ATM: variants seen among roughly 807,000 people sequenced by gnomAD.
The protein encoded by ATM is ATM serine/threonine kinase.
A neutral mutation model predicts 387.0 loss-of-function variants in ATM; 308 were observed. That is an observed-to-expected ratio of 0.80 (90% confidence interval 0.73 to 0.87). The LOEUF is 0.87. Among genes scored for constraint, ATM ranks in the 40% least tolerant of loss-of-function variants. ATM has a pLI of 0.00. For synonymous variants in ATM, 1,156 were observed against 1,187.3 expected (o/e 0.97, Z 0.54); for missense variants, 3,312 against 3,560.9 (o/e 0.93, Z 1.78).
intron 61 of ATM, among the ~76,000 whole-genome samples, chr11:108,361,475 A>G (rs2090745600): frequency 6.6e-6 from 1 of 152,014 alleles, no homozygotes; most frequent in South Asian, 2.1e-4. Context: ...ACCAAAAAAG[A>G]GCCCGCATCG....
intron 38 of ATM, 155 bp downstream of exon 38, chr11:108,308,139 C>A: frequency 2.7e-6 from 2 of 744,846 alleles, no homozygotes; most frequent in Non-Finnish European, 2.3e-6. Flanking sequence ...AATCCATATT[C>A]AGGATAGCAG....
chr11:108,236,618 G>A (rs1336351268), intron 5 of ATM: 2 of 151,874 alleles, frequency 1.3e-5, no homozygotes, highest in Non-Finnish European at 2.9e-5. Flanking sequence ...GAAAGGATAA[G>A]ACACAAAAGT....
intron 5 of ATM, among the ~76,000 whole-genome samples, chr11:108,241,417 T>C (rs1325831597): frequency 6.6e-6 from 1 of 152,260 alleles, no homozygotes; most frequent in East Asian, 1.9e-4. Context: ...GTACTATACA[T>C]GATTGTATGT....
intron 59 of ATM, 72 bp downstream of exon 59, chr11:108,347,437 C>A: frequency 1.7e-6 from 2 of 1,200,678 alleles, no homozygotes; most frequent in Non-Finnish European, 1.2e-6. Context: ...GTTTGCCTAC[C>A]AAGATATTAC....
Position 108,267,272 on chromosome 11 carries a change from T to C in ATM, c.2568T>C (p.Asn856=). ...AGGTGGAGGATCAGTCATCCATGAATCTATTTAACGATTACCCTGATAGTA... is the reference window on the plus strand; with the variant it reads ...AGGTGGAGGATCAGTCATCCATGAACCTATTTAACGATTACCCTGATAGTA... The part of the protein sequence containing the change: ...LMEVEDQSSM[N]LFNDYPDSSV... Residue 856 remains asparagine (N), a synonymous_variant, in exon 17 of 63, where the codon AAT becomes AAC. Coordinates refer to ENST00000675843, the MANE Select transcript of ATM (RefSeq NM_000051.4). 6.2e-7 allele frequency: 1 copy of C among 1,614,144 alleles called. No individual in the cohort carries two copies.
At chr11:108,352,746 T>C (rs773158694) in intron 59 of ATM, among the ~76,000 whole-genome samples, 16 of 152,212 alleles carry the variant, frequency 1.1e-4, no homozygotes, top group Non-Finnish European at 1.8e-4. Context: ...AACAGAACTA[T>C]TGATATACAT....
chr11:108,357,739 C>A (rs1322658759), intron 61 of ATM, among the ~76,000 whole-genome samples: 21 of 152,172 alleles, frequency 1.4e-4, no homozygotes, highest in Admixed American at 1.4e-3. Context: ...AGGGTCTTGT[C>A]TGTTAGAAGG....
chr11:108,326,107 G>A lies in ATM; in HGVS notation c.6857G>A (p.Cys2286Tyr), dbSNP rs786203052. 1.9e-6 allele frequency: 3 copies of A among 1,614,150 alleles called. No homozygotes were observed. Among genetic ancestry groups the A allele is most frequent in the Non-Finnish European group, 2.5e-6 (3 of 1,180,004 alleles). Residue 2286 changes from cysteine (C) to tyrosine (Y), a missense_variant, in exon 47 of 63, where the codon TGT (cysteine) becomes TAT (tyrosine). Transcript: ENST00000675843. ...ATTAAACAGTACAATTCAGTTAGCTGTGGAGTCTCTGAGTGGCAGCTGGAA... is the reference window on the plus strand; with the variant it reads ...ATTAAACAGTACAATTCAGTTAGCTATGGAGTCTCTGAGTGGCAGCTGGAA... ...FQIKQYNSVS[C>Y]GVSEWQLEEA... is the part of the protein sequence containing the mutation.
intron 31 of ATM, 104 bp downstream of exon 31, chr11:108,293,581 T>C: frequency 9.2e-7 from 1 of 1,092,150 alleles, no homozygotes. Flanking sequence ...TTTTCTTTAA[T>C]TGTGATTAAA....
intron 13 of ATM, among the ~76,000 whole-genome samples, chr11:108,255,088 T>A (rs1348627076): frequency 3.3e-5 from 5 of 152,196 alleles, no homozygotes; most frequent in African/African-American, 1.2e-4. Flanking sequence ...AAACATAAAC[T>A]CTTAAAAGGG....
intron 35 of ATM, among the ~76,000 whole-genome samples, chr11:108,302,226 G>A (rs570675581): frequency 3.9e-5 from 6 of 152,108 alleles, no homozygotes; most frequent in South Asian, 4.2e-4. Context: ...TGTTGATATC[G>A]TAATAAGGTT....
chr11:108,346,350 A>G (rs545263291), intron 58 of ATM, among the ~76,000 whole-genome samples: 21 of 152,158 alleles, frequency 1.4e-4, no homozygotes, highest in African/African-American at 4.3e-4. Context: ...TTCAGAATAG[A>G]AACCATGAGA....
chr11:108,279,175 G>A (rs1159060868), intron 22 of ATM, among the ~76,000 whole-genome samples: 1 of 152,116 alleles, frequency 6.6e-6, no homozygotes, highest in Non-Finnish European at 1.5e-5. Context: ...ATTGGTGTTC[G>A]GCCAGAGAAC....
At chr11:108,340,448 C>G (rs2087411908) in intron 56 of ATM, 1 of 152,162 alleles carries the variant, frequency 6.6e-6, no homozygotes, top group Non-Finnish European at 1.5e-5. Flanking sequence ...TCCTAAATGT[C>G]ACCAAGTAAT....
At chr11:108,256,925 C>T (rs1044410630) in intron 14 of ATM, among the ~76,000 whole-genome samples, 28 of 152,126 alleles carry the variant, frequency 1.8e-4, no homozygotes, top group African/African-American at 6.8e-4. Flanking sequence ...CATTGATGGG[C>T]ATTTGGGTTG....
intron 4 of ATM, among the ~76,000 whole-genome samples, chr11:108,234,683 T>A (rs1269624214): frequency 1.3e-5 from 2 of 151,342 alleles, no homozygotes; most frequent in Admixed American, 1.3e-4. Flanking sequence ...TATGAAAAAT[T>A]TAAAAAATTA....
intron 51 of ATM, 22 bp downstream of exon 51, chr11:108,331,579 A>G (rs1309995213): frequency 1.9e-6 from 3 of 1,589,114 alleles, no homozygotes; most frequent in Admixed American, 1.7e-5. Context: ...TGAAAATCAA[A>G]CCACAATAAT....
intron 39 of ATM, among the ~76,000 whole-genome samples, chr11:108,310,677 T>G (rs937901851): frequency 2.0e-5 from 3 of 152,178 alleles, no homozygotes; most frequent in African/African-American, 7.2e-5. Flanking sequence ...TCAGTCAGAT[T>G]AGATTTACCA....
rs1555083259 is a variant in ATM, at chr11:108,268,497, C to T, written c.2726C>T (p.Thr909Ile). Residue 909 changes from threonine to isoleucine, a missense_variant, in exon 18 of 63, where the codon ACT (threonine) becomes ATT (isoleucine). By Grantham distance (89) the Thr-to-Ile change is moderately conservative. Around this residue, in one of 4 missense-constraint regions of ATM, gnomAD observed 1,791 missense variants for 1,804.5 expected, o/e 0.99. Coordinates refer to ENST00000675843, the MANE Select transcript of ATM (RefSeq NM_000051.4). ...CTCAAGTTCTTGTGTTTGTGTGTAA[C>T]TACTGCTCAGACCAATACTGTGTCC... is the stretch of plus-strand genomic sequence containing the variant. ...DMLKFLCLCV[T>I]TAQTNTVSFR... 6.2e-7 allele frequency: 1 copy of T among 1,614,060 alleles called. No homozygotes were observed. The highest frequency in any genetic ancestry group is 8.5e-7 in the Non-Finnish European group (1 of 1,179,984).
Sources: allele counts gnomAD v4.1 joint callset (sites outside exome capture counted in the v4.1 genomes callset), GRCh38; gene constraint gnomAD v4.1.1; regional missense constraint gnomAD v4.1.1; transcripts MANE v1.5; gene names NCBI Gene and HGNC (gene_info 2026-07-23, HGNC 2026-07-21).